The following NKAIN2 variants were observed in gnomAD, a reference collection of about 807,000 sequenced individuals.
The protein encoded by NKAIN2 is sodium/potassium transporting ATPase interacting 2.
NKAIN2 carries 14 observed loss-of-function variants against 32.6 expected under a neutral mutation model. The observed-to-expected ratio is 0.43, with a 90% CI of 0.28 to 0.67. The LOEUF (loss-of-function observed/expected upper bound fraction) is 0.67. Among genes scored for constraint, NKAIN2 ranks in the 30% least tolerant of loss-of-function variants. NKAIN2 has a pLI of 0.17. For missense variants in NKAIN2, 198 were observed against 258.3 expected (o/e 0.77, Z 1.60); for synonymous variants, 80 against 87.2 (o/e 0.92, Z 0.46).
At chr6:124,093,056 G>A (rs1784500005) in intron 1 of NKAIN2, among the ~76,000 whole-genome samples, 1 of 151,998 alleles carries the variant, frequency 6.6e-6, no homozygotes, top group Non-Finnish European at 1.5e-5. Context: ...CTGCTTAAAT[G>A]TTATAAATGT....
At chr6:123,945,395 G>T (rs1348222857) in intron 1 of NKAIN2, among the ~76,000 whole-genome samples, 1 of 152,096 alleles carries the variant, frequency 6.6e-6, no homozygotes, top group Non-Finnish European at 1.5e-5. Context: ...GTCTGTGACT[G>T]TGTGGTAAAA....
intron 1 of NKAIN2, among the ~76,000 whole-genome samples, chr6:123,993,877 C>A (rs1779509744): frequency 6.6e-6 from 1 of 152,042 alleles, no homozygotes; most frequent in African/African-American, 2.4e-5. Context: ...CCAATAGAAC[C>A]ATGCTACAAC....
intron 1 of NKAIN2, among the ~76,000 whole-genome samples, chr6:124,017,190 T>G (rs538603385): frequency 6.6e-6 from 1 of 152,240 alleles, no homozygotes; most frequent in East Asian, 1.9e-4. Flanking sequence ...TATAAAATCA[T>G]TAGATCTAGT....
intron 1 of NKAIN2, among the ~76,000 whole-genome samples, chr6:123,824,050 C>G (rs1330829194): frequency 6.6e-6 from 1 of 152,154 alleles, no homozygotes; most frequent in Admixed American, 6.6e-5. Flanking sequence ...ACCTTTGATA[C>G]TTTGTCTGTA....
intron 4 of NKAIN2, among the ~76,000 whole-genome samples, chr6:124,696,303 G>C (rs1442435943): frequency 6.6e-6 from 1 of 152,136 alleles, no homozygotes; most frequent in Non-Finnish European, 1.5e-5. Context: ...CTCAGAGAGA[G>C]AGTTTGCTTC....
chr6:124,751,547 A>C (rs932195120), intron 4 of NKAIN2, among the ~76,000 whole-genome samples: 6 of 151,816 alleles, frequency 4.0e-5, no homozygotes, highest in Non-Finnish European at 7.4e-5. Flanking sequence ...CAGGAGAGGA[A>C]ATTATTTAAA....
intron 1 of NKAIN2, among the ~76,000 whole-genome samples, chr6:124,087,654 C>T (rs1784244655): frequency 6.6e-6 from 1 of 151,950 alleles, no homozygotes; most frequent in Admixed American, 6.6e-5. Context: ...TTCAGTTTTG[C>T]TGTTAATCTA....
In NKAIN2 at chr6:123,907,390, TATC is replaced by T. The variant is rs1392688492; in HGVS notation, c.54+103139_54+103141del. ...GATAGCTATAATAGACTTATCATAA[TATC>T]ATAAAACTAGAATCCCTTAGTAATA... On this transcript the variant is annotated intron_variant, in intron 1 of 6. Transcript: ENST00000368417. Among the ~76,000 whole-genome samples, 3 of 152,306 alleles carry T rather than the reference TATC, an allele frequency of 2.0e-5. No individual in the cohort carries two copies. In the East Asian group the frequency reaches 5.8e-4, roughly 29 times the overall value.
At chr6:123,910,499 G>GTT (rs35165515) in intron 1 of NKAIN2, among the ~76,000 whole-genome samples, 4,855 of 81,086 alleles carry the variant, frequency 0.06, 384 homozygotes, top group African/African-American at 0.12. Context: ...TGCAATGCAT[G>GTT]TTTTTTTTTT....
chr6:123,888,316 AT>A (rs1475638766), intron 1 of NKAIN2, among the ~76,000 whole-genome samples: 6 of 152,060 alleles, frequency 3.9e-5, no homozygotes, highest in Non-Finnish European at 7.4e-5. Flanking sequence ...CAGCTCTTAC[AT>A]TTTCAAACAC....
chr6:124,247,471 G>C (rs1793469731), intron 1 of NKAIN2, among the ~76,000 whole-genome samples: 1 of 152,072 alleles, frequency 6.6e-6, no homozygotes, highest in South Asian at 2.1e-4. Flanking sequence ...AATTCCACTA[G>C]TAGAGAATAA....
intron 1 of NKAIN2, among the ~76,000 whole-genome samples, chr6:124,033,368 C>T (rs1234296034): frequency 6.6e-6 from 1 of 151,954 alleles, no homozygotes; most frequent in African/African-American, 2.4e-5. Context: ...CCTCTTCTTA[C>T]TAATTATAAC....
At chr6:124,185,906 A>G (rs1221027496) in intron 1 of NKAIN2, among the ~76,000 whole-genome samples, 1 of 152,120 alleles carries the variant, frequency 6.6e-6, no homozygotes, top group Non-Finnish European at 1.5e-5. Flanking sequence ...TCCCCTTTGA[A>G]TATAATTTTG....
chr6:124,657,086 C>A (rs530413269), intron 3 of NKAIN2, among the ~76,000 whole-genome samples: 3 of 152,328 alleles, frequency 2.0e-5, no homozygotes, highest in Admixed American at 6.5e-5. Context: ...TCTCCAAATT[C>A]CCTGGCCATT....
chr6:124,653,432 C>T (rs1350059246), intron 3 of NKAIN2, among the ~76,000 whole-genome samples: 1 of 108,646 alleles, frequency 9.2e-6, no homozygotes, highest in African/African-American at 3.4e-5. Context: ...GGAATAATTG[C>T]ACATCCACAT....
chr6:123,896,733 G>A (rs1774297316), intron 1 of NKAIN2, among the ~76,000 whole-genome samples: 1 of 152,036 alleles, frequency 6.6e-6, no homozygotes. Flanking sequence ...AGTCAGTCCT[G>A]AGCTCCCTCA....
intron 1 of NKAIN2, among the ~76,000 whole-genome samples, chr6:123,845,774 T>C (rs781209259): frequency 2.6e-5 from 4 of 152,210 alleles, no homozygotes; most frequent in African/African-American, 7.2e-5. Context: ...GTAATGACTG[T>C]ATACCTTATA....
chr6:124,763,813 TG>T (rs919827688), intron 4 of NKAIN2, among the ~76,000 whole-genome samples: 3 of 152,210 alleles, frequency 2.0e-5, no homozygotes, highest in African/African-American at 7.2e-5. Context: ...TGTTTTTATT[TG>T]TCAGTTAAAG....
intron 3 of NKAIN2, among the ~76,000 whole-genome samples, chr6:124,408,319 T>A (rs1370043162): frequency 6.6e-6 from 1 of 152,260 alleles, no homozygotes; most frequent in Non-Finnish European, 1.5e-5. Flanking sequence ...CTAGGGTTTT[T>A]ATGGTTTTAC....
Sources: gnomAD v4.1 joint callset for allele counts (sites outside exome capture counted in the v4.1 genomes callset) on GRCh38, gnomAD v4.1.1 for gene constraint, MANE v1.5 for transcripts, NCBI Gene and HGNC (gene_info 2026-07-23, HGNC 2026-07-21) for gene names.